The following DISP1 variants were observed in gnomAD, a reference collection of about 807,000 sequenced individuals.
The protein encoded by DISP1 is protein dispatched homolog 1.
DISP1 carries 30 observed loss-of-function variants against 37.3 expected under a neutral mutation model. The observed-to-expected ratio is 0.80, with a 90% CI of 0.60 to 1.09. The LOEUF is 1.09. DISP1 is among the 50% of genes least tolerant of loss of function. The probability of loss-of-function intolerance (pLI) is 0.00; values close to 1 mark genes in which losing one functional copy is unlikely to be tolerated. For synonymous variants in DISP1, 634 were observed against 690.2 expected, an observed-to-expected ratio of 0.92 and a Z score of 1.28; for missense variants, 1,598 against 1,879.5, an observed-to-expected ratio of 0.85 and a Z score of 2.77.
intron 4 of DISP1, 121 bp from the exon 5 acceptor site, chr1:222,990,504 G>T (rs547444867): frequency 7.1e-7 from 1 of 1,409,120 alleles, no homozygotes; most frequent in South Asian, 1.2e-5. Flanking sequence ...TACAATATGA[G>T]GATTTAATAA....
At position 222,943,005 on chromosome 1, in the gene DISP1, C is replaced by G. The variant is rs146408462; in HGVS notation, c.182C>G (p.Thr61Arg). 3.7e-6 allele frequency: 6 copies of G among 1,614,196 alleles called. No individual in the cohort carries two copies. Among genetic ancestry groups the G allele is most frequent in the South Asian group, 1.1e-5 (1 of 91,082 alleles). Residue 61 changes from threonine (T) to arginine (R), a missense_variant, in exon 3 of 9, where the codon ACG becomes AGG. Coordinates refer to ENST00000675850, the MANE Select transcript of DISP1 (RefSeq NM_001377229.1). ...SPNGCLQLNG[T>R]VKSSFLPLDN... ...AATGGATGCCTGCAACTTAATGGCA[C>G]GGTCAAATCATCCTTTCTGCCTTTA...
chr1:222,840,557 C>CTTT lies in DISP1; in HGVS notation c.-159+25497_-159+25499dup, dbSNP rs71176702. Among the ~76,000 whole-genome samples the CTTT allele has an allele frequency of 1.0e-3, 117 of 116,082 alleles. 2 individuals carry two copies. Among genetic ancestry groups the CTTT allele is most frequent in the Non-Finnish European group, 1.4e-3 (80 of 57,494 alleles). 76.2% of individuals were successfully genotyped at this position (116,082 alleles called of 152,430 possible). Reference sequence around the variant, plus strand: ...ATGCCTGGCCATTAGTACAGTATCTCTTTTTTTTTTTTTTTTTTTTCCCTG... The same window carrying CTTT: ...ATGCCTGGCCATTAGTACAGTATCTCTTTTTTTTTTTTTTTTTTTTTTTCCCTG... On this transcript the variant is annotated intron_variant, in intron 1 of 8. Coordinates refer to ENST00000675850, the MANE Select transcript of DISP1 (RefSeq NM_001377229.1).
At chr1:222,835,026 A>G (rs2125262049) in intron 1 of DISP1, 1 of 152,278 alleles carries the variant, frequency 6.6e-6, no homozygotes, top group East Asian at 1.9e-4. Flanking sequence ...AGTAAGTACT[A>G]TTGATATAGT....
intron 5 of DISP1, 105 bp from the exon 6 acceptor site, chr1:222,991,415 G>C: frequency 7.1e-7 from 1 of 1,412,894 alleles, no homozygotes; most frequent in Non-Finnish European, 1.0e-6. Context: ...TATATTTTCT[G>C]TTGAAAGCTA....
intron 1 of DISP1, among the ~76,000 whole-genome samples, chr1:222,914,850 C>T (rs1172556145): frequency 1.3e-5 from 2 of 152,140 alleles, no homozygotes; most frequent in South Asian, 4.2e-4. Context: ...CCCTGTAGTA[C>T]CAGGTATTCA....
At chr1:222,826,126 A>G (rs1664323657) in intron 1 of DISP1, among the ~76,000 whole-genome samples, 1 of 150,652 alleles carries the variant, frequency 6.6e-6, no homozygotes, top group African/African-American at 2.4e-5. Context: ...TTGGTCTTGA[A>G]CTCCTGAGCT....
At chr1:222,997,721 G>A (rs1344163055) in intron 8 of DISP1, among the ~76,000 whole-genome samples, 1 of 152,092 alleles carries the variant, frequency 6.6e-6, no homozygotes, top group African/African-American at 2.4e-5. Flanking sequence ...TGTAATCCCT[G>A]GCAAGAACAG....
At chr1:222,925,187 G>A (rs1673014528) in intron 1 of DISP1, among the ~76,000 whole-genome samples, 1 of 152,040 alleles carries the variant, frequency 6.6e-6, no homozygotes, top group African/African-American at 2.4e-5. Flanking sequence ...TTTAAATGAA[G>A]TGATTAGACA....
At chr1:222,994,445 G>C (rs189035322) in intron 7 of DISP1, among the ~76,000 whole-genome samples, 111 of 152,280 alleles carry the variant, frequency 7.3e-4, no homozygotes, top group East Asian at 6.2e-3. Context: ...ATTTTAAATA[G>C]ATCACCCACC....
intron 4 of DISP1, among the ~76,000 whole-genome samples, chr1:222,983,316 T>G (rs1432804518): frequency 6.6e-6 from 1 of 152,164 alleles, no homozygotes; most frequent in Non-Finnish European, 1.5e-5. Flanking sequence ...CTAACCCTAT[T>G]AAATTCTATT....
At chr1:222,982,018 T>G (rs902184490) in intron 3 of DISP1, among the ~76,000 whole-genome samples, 1 of 152,236 alleles carries the variant, frequency 6.6e-6, no homozygotes, top group Non-Finnish European at 1.5e-5. Flanking sequence ...AAATATTAAA[T>G]TATGAAACTC....
intron 2 of DISP1, among the ~76,000 whole-genome samples, chr1:222,937,796 C>CTTTTTTT (rs10714424): frequency 5.3e-5 from 3 of 56,502 alleles, no homozygotes; most frequent in East Asian, 4.4e-4. Context: ...AATAGCTTGC[C>CTTTTTTT]TTTTTTTTTT....
At chr1:222,833,763 A>G (rs1666345893) in intron 1 of DISP1, among the ~76,000 whole-genome samples, 1 of 152,224 alleles carries the variant, frequency 6.6e-6, no homozygotes, top group South Asian at 2.1e-4. Flanking sequence ...GACTTTTAGT[A>G]TAGTAGATTT....
chr1:222,885,933 C>G (rs1314421705), intron 1 of DISP1, among the ~76,000 whole-genome samples: 2 of 151,994 alleles, frequency 1.3e-5, no homozygotes, highest in Admixed American at 1.3e-4. Context: ...GAGATTATTC[C>G]TAATTTGTAT....
intron 3 of DISP1, among the ~76,000 whole-genome samples, chr1:222,957,495 A>G (rs527693794): frequency 7.9e-4 from 121 of 152,298 alleles, no homozygotes; most frequent in African/African-American, 2.8e-3. Context: ...AAGCTGAGGC[A>G]GGAGAATTGC....
chr1:222,840,033 A>G (rs1667494091), intron 1 of DISP1, among the ~76,000 whole-genome samples: 1 of 152,204 alleles, frequency 6.6e-6, no homozygotes. Context: ...TTAGGCAAAA[A>G]TCAACTAACA....
At chr1:222,931,786 A>T (rs1970382) in intron 2 of DISP1, among the ~76,000 whole-genome samples, 89,854 of 151,278 alleles carry the variant, frequency 0.59, 26,988 homozygotes, top group South Asian at 0.73. Flanking sequence ...ATTGAGGATG[A>T]ACTTTTTCTT....
intron 4 of DISP1, 106 bp downstream of exon 4, chr1:222,983,215 T>C: frequency 2.2e-6 from 2 of 911,288 alleles, no homozygotes; most frequent in Non-Finnish European, 3.6e-6. Flanking sequence ...TCCTCATTCA[T>C]ATTTTTATGA....
At chr1:222,939,648 G>A (rs1418540534) in intron 2 of DISP1, among the ~76,000 whole-genome samples, 2 of 151,836 alleles carry the variant, frequency 1.3e-5, no homozygotes, top group East Asian at 1.9e-4. Flanking sequence ...GGCCAACATG[G>A]TGAAACCCTG....
Sources: gnomAD v4.1 joint callset for allele counts (sites outside exome capture counted in the v4.1 genomes callset) on GRCh38, gnomAD v4.1.1 for gene constraint, MANE v1.5 for transcripts, NCBI Gene and HGNC (gene_info 2026-07-23, HGNC 2026-07-21) for gene names.